ZFAND3: variants seen among roughly 807,000 people sequenced by gnomAD.
ZFAND3 encodes the protein AN1-type zinc finger protein 3.
ZFAND3 carries 10 observed loss-of-function variants against 29.6 expected under a neutral mutation model. The ratio of observed to expected loss-of-function variants is 0.34; its 90% CI spans 0.21 to 0.57. The LOEUF (loss-of-function observed/expected upper bound fraction) is 0.57, where lower values mean the gene tolerates loss of function less well. Among genes scored for constraint, ZFAND3 ranks in the 20% least tolerant of loss-of-function variants. The probability of loss-of-function intolerance (pLI) is 0.86; values close to 1 mark genes in which losing one functional copy is unlikely to be tolerated. For missense variants in ZFAND3, 230 were observed against 304.5 expected (o/e 0.76, Z 1.82); for synonymous variants, 128 against 112.6 (o/e 1.14, Z -0.87).
intron 2 of ZFAND3, among the ~76,000 whole-genome samples, chr6:38,010,605 T>C (rs1763132526): frequency 6.6e-6 from 1 of 151,712 alleles, no homozygotes; most frequent in Non-Finnish European, 1.5e-5. Flanking sequence ...CAACCTTTTT[T>C]TTTTTTTTTT....
chr6:37,912,979 T>C (rs551997034), intron 1 of ZFAND3, among the ~76,000 whole-genome samples: 192 of 152,320 alleles, frequency 1.3e-3, no homozygotes, highest in South Asian at 4.1e-3. Flanking sequence ...CTGTTAAATG[T>C]ATAATAGCAT....
At chr6:38,117,116 A>G (rs1420755557) in intron 5 of ZFAND3, among the ~76,000 whole-genome samples, 2 of 152,224 alleles carry the variant, frequency 1.3e-5, no homozygotes, top group Non-Finnish European at 2.9e-5. Context: ...TTCAGATATT[A>G]AGTTAATTTT....
At chr6:38,121,543 T>C (rs1765534167) in intron 5 of ZFAND3, among the ~76,000 whole-genome samples, 1 of 152,242 alleles carries the variant, frequency 6.6e-6, no homozygotes, top group Admixed American at 6.5e-5. Flanking sequence ...TCTGTTTTTT[T>C]ATGATATTGA....
chr6:37,964,037 T>C (rs898635306), intron 2 of ZFAND3, among the ~76,000 whole-genome samples: 1 of 152,216 alleles, frequency 6.6e-6, no homozygotes, highest in Non-Finnish European at 1.5e-5. Context: ...TGTTCTGTTG[T>C]AATTCTATTT....
At chr6:37,859,954 C>T (rs1311899510) in intron 1 of ZFAND3, among the ~76,000 whole-genome samples, 1 of 150,430 alleles carries the variant, frequency 6.6e-6, no homozygotes, top group Non-Finnish European at 1.5e-5. Flanking sequence ...TCACTGCAAC[C>T]ACCACCTCCT....
intron 4 of ZFAND3, among the ~76,000 whole-genome samples, chr6:38,084,585 T>C (rs1397672903): frequency 6.6e-6 from 1 of 152,212 alleles, no homozygotes; most frequent in Non-Finnish European, 1.5e-5. Flanking sequence ...TTTGCTGTAC[T>C]CAGTTTTATT....
At chr6:38,105,225 C>T (rs905406301) in intron 4 of ZFAND3, among the ~76,000 whole-genome samples, 6 of 152,162 alleles carry the variant, frequency 3.9e-5, no homozygotes, top group African/African-American at 4.8e-5. Flanking sequence ...TATCCACCTT[C>T]CATGATAAGT....
At chr6:38,099,717 A>G (rs1765056190) in intron 4 of ZFAND3, among the ~76,000 whole-genome samples, 1 of 152,252 alleles carries the variant, frequency 6.6e-6, no homozygotes, top group Non-Finnish European at 1.5e-5. Context: ...AGACTATAGC[A>G]GACAATCTTT....
At position 38,082,400 on chromosome 6, in the gene ZFAND3, T is replaced by C. The variant is rs548831001; in HGVS notation, c.304T>C (p.Cys102Arg). 1.5e-5 allele frequency: 24 copies of C among 1,612,006 alleles called. No homozygotes were observed. The South Asian group carries it at 2.5e-4, about 17-fold the overall frequency. ...TGCCTTTCTGTTTCTAGGTGGGCCATGCACAGACACAGCTCATGTCTCATT... is the reference window on the plus strand; with the variant it reads ...TGCCTTTCTGTTTCTAGGTGGGCCACGCACAGACACAGCTCATGTCTCATT... ...TSPSKEECGP[C>R]TDTAHVSLIT... The change falls in exon 4 of 6, where the codon TGC (cysteine) becomes CGC (arginine). Residue 102 changes from cysteine (C) to arginine (R), a missense_variant. Physicochemically the swap from Cys to Arg is radical, Grantham distance 180 (BLOSUM62 -3). Transcript: ENST00000287218.
intron 2 of ZFAND3, among the ~76,000 whole-genome samples, chr6:38,020,295 A>T (rs376069686): frequency 2.6e-5 from 4 of 152,370 alleles, no homozygotes; most frequent in South Asian, 4.1e-4. Context: ...AATCCAACAC[A>T]CATTAGTTTT....
At chr6:37,941,737 CTG>C (rs1761813433) in intron 2 of ZFAND3, among the ~76,000 whole-genome samples, 2 of 152,174 alleles carry the variant, frequency 1.3e-5, no homozygotes, top group Non-Finnish European at 1.5e-5. Flanking sequence ...CGTATTTAGA[CTG>C]TGCAACCTGC....
intron 2 of ZFAND3, among the ~76,000 whole-genome samples, chr6:38,008,823 A>G (rs1239480752): frequency 6.6e-6 from 1 of 152,170 alleles, no homozygotes; most frequent in Non-Finnish European, 1.5e-5. Flanking sequence ...CTAGTTGAAG[A>G]GTACAGATTT....
At chr6:37,919,689 A>T (rs1382950819) in intron 1 of ZFAND3, among the ~76,000 whole-genome samples, 7 of 152,218 alleles carry the variant, frequency 4.6e-5, no homozygotes, top group Non-Finnish European at 4.4e-5. Flanking sequence ...CTGTTACTGC[A>T]TTGCTTTCTA....
rs183827898 is a variant in ZFAND3, at chr6:37,849,236, C to T, written c.71+29220C>T. ...ACCATAGACACACTGCATTCTCAAG[C>T]GAGAGCTCCCCTTTTAGAGTTGCAT... On this transcript the variant is annotated intron_variant, in intron 1 of 5. Transcript: ENST00000287218. 9.5e-4 allele frequency among the ~76,000 whole-genome samples: 145 copies of T among 152,152 alleles called. 5 individuals carry two copies. In the South Asian group the frequency reaches 0.028, roughly 30 times the overall value.
intron 2 of ZFAND3, among the ~76,000 whole-genome samples, chr6:37,970,661 T>C (rs1442178916): frequency 6.6e-6 from 1 of 152,194 alleles, no homozygotes; most frequent in East Asian, 1.9e-4. Context: ...CCCAGCACTT[T>C]GGGAGGCCAA....
intron 2 of ZFAND3, among the ~76,000 whole-genome samples, chr6:37,963,652 T>G (rs1479812568): frequency 6.6e-6 from 1 of 152,192 alleles, no homozygotes; most frequent in Non-Finnish European, 1.5e-5. Flanking sequence ...TCCATCCTGC[T>G]TCACCAGCAA....
chr6:37,934,585 A>G (rs1761661435), intron 2 of ZFAND3, among the ~76,000 whole-genome samples: 1 of 150,822 alleles, frequency 6.6e-6, no homozygotes, highest in Non-Finnish European at 1.5e-5. Flanking sequence ...TAATCCCAGG[A>G]CTTTGGGAGG....
chr6:37,930,048 T>TC, intron 2 of ZFAND3, 49 bp downstream of exon 2: 1 of 1,487,922 alleles, frequency 6.7e-7, no homozygotes, highest in Non-Finnish European at 9.0e-7. Context: ...TTTCTTTCTT[T>TC]TTTTTTTTTT....
chr6:37,941,477 G>A (rs1483438152), intron 2 of ZFAND3, among the ~76,000 whole-genome samples: 1 of 152,058 alleles, frequency 6.6e-6, no homozygotes, highest in Non-Finnish European at 1.5e-5. Context: ...CATATGTGGT[G>A]GGGGGAGTGT....
Sources: gnomAD v4.1 joint callset for allele counts (sites outside exome capture counted in the v4.1 genomes callset) on GRCh38, gnomAD v4.1.1 for gene constraint, MANE v1.5 for transcripts, NCBI Gene and HGNC (gene_info 2026-07-23, HGNC 2026-07-21) for gene names.